TRPC3: variants seen among roughly 807,000 people sequenced by gnomAD.
TRPC3 encodes transient receptor potential cation channel subfamily C member 3, also known as short transient receptor potential channel 3.
A neutral mutation model predicts 90.9 loss-of-function variants in TRPC3; 54 were observed. That is an observed-to-expected ratio of 0.59 (90% CI 0.48 to 0.75). The LOEUF is 0.75. Among genes scored for constraint, TRPC3 ranks in the 30% least tolerant of loss-of-function variants. TRPC3 has a pLI of 0.00. For missense variants in TRPC3, 918 were observed against 1,194.5 expected, an observed-to-expected ratio of 0.77 and a Z score of 3.41; for synonymous variants, 424 against 450.9, an observed-to-expected ratio of 0.94 and a Z score of 0.75.
intron 7 of TRPC3, among the ~76,000 whole-genome samples, chr4:121,906,627 A>T (rs1419789502): frequency 6.6e-6 from 1 of 152,106 alleles, no homozygotes; most frequent in Non-Finnish European, 1.5e-5. Flanking sequence ...GAACAAAGGG[A>T]GAGCAGGGAG....
intron 3 of TRPC3, among the ~76,000 whole-genome samples, chr4:121,917,771 G>A (rs1265280892): frequency 6.6e-6 from 1 of 152,202 alleles, no homozygotes; most frequent in Non-Finnish European, 1.5e-5. Flanking sequence ...CTGCAGCCAG[G>A]CTAAGCTTAG....
chr4:121,951,877 T>TGCC lies in TRPC3; in HGVS notation c.-200_-198dup. ...TTAGAGGCTAGCGCCGAAGCCGAGC[T>TGCC]GCCGCCGCCCACCATCAAACCGTGG... On this transcript the variant is annotated 5_prime_UTR_variant, in exon 1 of 12. Transcript: ENST00000379645. This position sits in a 1 kb window ranked among gnomAD's most constrained non-coding sequence, Gnocchi z 4.4. The TGCC allele has an allele frequency of 2.6e-6, 1 of 389,490 alleles. No individual in the cohort carries two copies. The allele number at this position is 389,490 out of a possible 1,614,324, so 24.1% of individuals were successfully genotyped here. A position where few individuals can be genotyped will look rare whatever the true frequency, so the allele number is the denominator to read the frequency against.
intron 5 of TRPC3, among the ~76,000 whole-genome samples, chr4:121,910,912 T>C (rs1729060829): frequency 6.6e-6 from 1 of 152,152 alleles, no homozygotes; most frequent in African/African-American, 2.4e-5. Context: ...AAGTGAGCAA[T>C]ATCGTTTGAA....
intron 10 of TRPC3, among the ~76,000 whole-genome samples, chr4:121,898,851 G>A (rs1328357428): frequency 6.6e-6 from 1 of 151,806 alleles, no homozygotes; most frequent in Non-Finnish European, 1.5e-5. Context: ...AAACAAATAT[G>A]TAAAATTTAC....
intron 1 of TRPC3, among the ~76,000 whole-genome samples, chr4:121,935,315 T>C (rs897065297): frequency 1.3e-5 from 2 of 152,120 alleles, no homozygotes; most frequent in Non-Finnish European, 2.9e-5. Context: ...TTGGCTGTTA[T>C]GAGTAGGGTA....
chr4:121,881,930 G>A (rs1375009917), intron 11 of TRPC3, among the ~76,000 whole-genome samples: 1 of 152,146 alleles, frequency 6.6e-6, no homozygotes, highest in Non-Finnish European at 1.5e-5. Context: ...GGTTAAAAAT[G>A]TGTTTCTGAA....
rs200840522 is a variant in TRPC3 at position 121,932,952 on chromosome 4, G to A, written c.306C>T (p.Phe102=). 1 of 1,613,672 alleles carries A rather than the reference G, an allele frequency of 6.2e-7. No individual in the cohort carries two copies. Among genetic ancestry groups the A allele is most frequent in the Non-Finnish European group, 8.5e-7 (1 of 1,179,854 alleles). Residue 102 remains phenylalanine (F), a synonymous_variant, in exon 2 of 12, where the codon TTC becomes TTT. Coordinates refer to ENST00000379645, the MANE Select transcript of TRPC3 (RefSeq NM_001130698.2). The surrounding 1 kb of genome is among the most constrained non-coding windows in gnomAD (Gnocchi z 7.7). The stretch of plus-strand genomic sequence containing the variant: ...CGGTGAGGCTGGTGCCGCGGTCATT[G>A]AACATGAAGGCCGGGCCCCTGACAG... ...RQAVRGPAFM[F]NDRGTSLTAE... is the part of the protein sequence containing the mutation.
intron 10 of TRPC3, among the ~76,000 whole-genome samples, chr4:121,898,959 G>A (rs556201683): frequency 1.1e-4 from 17 of 152,170 alleles, no homozygotes; most frequent in Admixed American, 5.9e-4. Flanking sequence ...AGAACAATAC[G>A]CAGTAACGGA....
At chr4:121,916,108 TTA>T (rs1254163102) in intron 3 of TRPC3, among the ~76,000 whole-genome samples, 5 of 152,228 alleles carry the variant, frequency 3.3e-5, no homozygotes, top group African/African-American at 1.2e-4. Flanking sequence ...CAAGTTCTAG[TTA>T]ATAATCCTGA....
rs1287316664 is a variant in TRPC3, at chr4:121,878,271, C to A, written c.*1465G>T. On this transcript the variant is annotated 3_prime_UTR_variant, in exon 12 of 12. Coordinates refer to ENST00000379645, the MANE Select transcript of TRPC3 (RefSeq NM_001130698.2). ...CAAAAAGTAGAAATTAAGAAATAAT[C>A]TTTAAAGAGCTTTATGTAGTTCCAT... 6.6e-6 allele frequency among the ~76,000 whole-genome samples: 1 copy of A among 152,142 alleles called. No individual in the cohort carries two copies. Among genetic ancestry groups the A allele is most frequent in the Non-Finnish European group, 1.5e-5 (1 of 68,010 alleles).
intron 3 of TRPC3, among the ~76,000 whole-genome samples, chr4:121,918,528 T>C (rs1284119498): frequency 6.6e-6 from 1 of 152,192 alleles, no homozygotes. Flanking sequence ...ATATGGCATA[T>C]ATGTGATGGT....
chr4:121,935,419 G>GGGGTGTGTGT (rs111983914), intron 1 of TRPC3, among the ~76,000 whole-genome samples: 127 of 147,332 alleles, frequency 8.6e-4, no homozygotes, highest in African/African-American at 3.1e-3. Flanking sequence ...ACATGTGTGG[G>GGGGTGTGTGT]GTGTGTGTGT....
chr4:121,927,912 T>C (rs927577887), intron 2 of TRPC3, among the ~76,000 whole-genome samples: 1 of 152,242 alleles, frequency 6.6e-6, no homozygotes, highest in African/African-American at 2.4e-5. Flanking sequence ...GAAAGACTAA[T>C]GAAACATTTT....
chr4:121,918,636 C>T (rs527367092), intron 3 of TRPC3, among the ~76,000 whole-genome samples: 2 of 152,288 alleles, frequency 1.3e-5, no homozygotes, highest in East Asian at 3.9e-4. Flanking sequence ...GCCTGTTACA[C>T]TTTAAAATTC....
rs1378242365 is a variant in TRPC3, at chr4:121,874,749, A to G, written c.*4987T>C. Among the ~76,000 whole-genome samples, 1 of 152,250 alleles carries G rather than the reference A, an allele frequency of 6.6e-6. No individual in the cohort carries two copies. On this transcript the variant is annotated 3_prime_UTR_variant, in exon 12 of 12. Transcript: ENST00000379645. ...TCCAACTATAGTTATAGTCTGAGAT[A>G]CTGAAGGCGAGGACTTTAACATGAG...
At position 121,951,223 on chromosome 4, in the gene TRPC3, G is replaced by A. The variant is rs900987222; in HGVS notation, c.215+243C>T. Among the ~76,000 whole-genome samples, 1 of 152,192 alleles carries A rather than the reference G, an allele frequency of 6.6e-6. No individual in the cohort carries two copies. The highest frequency in any genetic ancestry group is 1.5e-5 in the Non-Finnish European group (1 of 68,022). ...CCTGCGGGCTGTTCCGTGTGCTTGA[G>A]CCTGGACAGAGCCCCTGCCACGCAC... On this transcript the variant is annotated intron_variant, in intron 1 of 11. Coordinates refer to ENST00000379645, the MANE Select transcript of TRPC3 (RefSeq NM_001130698.2). This position sits in a 1 kb window ranked among gnomAD's most constrained non-coding sequence, Gnocchi z 4.4.
At chr4:121,908,457 C>T (rs1728964342) in intron 6 of TRPC3, among the ~76,000 whole-genome samples, 1 of 152,072 alleles carries the variant, frequency 6.6e-6, no homozygotes, top group Non-Finnish European at 1.5e-5. Flanking sequence ...TTCACAATAG[C>T]TAAGATACGG....
intron 10 of TRPC3, among the ~76,000 whole-genome samples, chr4:121,890,330 C>T (rs1259360738): frequency 6.6e-6 from 1 of 152,040 alleles, no homozygotes; most frequent in Non-Finnish European, 1.5e-5. Context: ...AATGGTCTTA[C>T]AACAAAGAAA....
In TRPC3 at chr4:121,875,896, T is replaced by TC. The variant is rs1727748324; in HGVS notation, c.*3839_*3840insG. ...TATAAATACCCATTTTAGATTTTTTTTTTTTTTTTTTTTTTTTTTTGTGGG... is the reference window on the plus strand; with the variant it reads ...TATAAATACCCATTTTAGATTTTTTTCTTTTTTTTTTTTTTTTTTTTGTGGG... On this transcript the variant is annotated 3_prime_UTR_variant, in exon 12 of 12. Transcript: ENST00000379645. 8.1e-6 allele frequency among the ~76,000 whole-genome samples: 1 copy of TC among 122,780 alleles called. No individual in the cohort carries two copies. The highest frequency in any genetic ancestry group is 4.0e-5 in the African/African-American group (1 of 25,202). 80.5% of individuals were successfully genotyped at this position (122,780 alleles called of 152,430 possible).
Sources: gnomAD v4.1 joint callset for allele counts (sites outside exome capture counted in the v4.1 genomes callset) on GRCh38, gnomAD v4.1.1 for gene constraint, Gnocchi (gnomAD v3.1) non-coding constraint, MANE v1.5 for transcripts, NCBI Gene and HGNC (gene_info 2026-07-23, HGNC 2026-07-21) for gene names.